Variants in PDE1C observed in about 807,000 individuals in gnomAD.
PDE1C encodes dual specificity calcium/calmodulin-dependent 3',5'-cyclic nucleotide phosphodiesterase 1C.
In PDE1C, 62 loss-of-function variants were observed where a neutral mutation model predicts 93.1. The ratio of observed to expected loss-of-function variants is 0.67; its 90% CI spans 0.54 to 0.82. PDE1C has a LOEUF of 0.82. Ranked by LOEUF, PDE1C falls within the 40% of genes least tolerant of loss-of-function variation. The pLI is 0.00. For missense variants in PDE1C, 742 were observed against 884.6 expected (o/e 0.84, Z 2.04); for synonymous variants, 325 against 310.1 (o/e 1.05, Z -0.50).
At chr7:32,250,806 A>T (rs1166416616) in intron 1 of PDE1C, among the ~76,000 whole-genome samples, 1 of 152,164 alleles carries the variant, frequency 6.6e-6, no homozygotes, top group East Asian at 1.9e-4. Flanking sequence ...AGTTAACCCA[A>T]ATAAGCTTTT....
intron 3 of PDE1C, among the ~76,000 whole-genome samples, chr7:32,159,515 T>C (rs1801779992): frequency 6.6e-6 from 1 of 152,152 alleles, no homozygotes; most frequent in African/African-American, 2.4e-5. Context: ...CATGGAAAGT[T>C]GTAAGGGGTG....
intron 16 of PDE1C, among the ~76,000 whole-genome samples, chr7:31,805,574 T>G (rs1327466617): frequency 1.3e-5 from 2 of 151,450 alleles, no homozygotes; most frequent in East Asian, 2.0e-4. Context: ...CCTATGTCAC[T>G]CCTCTCTATG....
rs971914224 is a variant in PDE1C, at chr7:32,321,110, C to T, written c.310+106712G>A. 1.4e-4 allele frequency among the ~76,000 whole-genome samples: 21 copies of T among 152,166 alleles called. 1 individual carries two copies. Among genetic ancestry groups the T allele is most frequent in the African/African-American group, 4.8e-4 (20 of 41,448 alleles). The stretch of plus-strand genomic sequence containing the variant: ...CTACTCTCATCAGCTGAAGAACAAT[C>T]GCTCAGTGACAAAAGAACAAAAATC... On this transcript the variant is annotated intron_variant, in intron 1 of 1. Coordinates refer to the PDE1C transcript ENST00000672256.
intron 1 of PDE1C, among the ~76,000 whole-genome samples, chr7:32,242,006 G>A (rs1032033031): frequency 2.0e-5 from 3 of 152,132 alleles, no homozygotes; most frequent in Non-Finnish European, 4.4e-5. Context: ...GGAAGAGTGG[G>A]CAAATTTTGA....
chr7:32,259,374 A>G (rs1442735866), intron 1 of PDE1C, among the ~76,000 whole-genome samples: 1 of 152,160 alleles, frequency 6.6e-6, no homozygotes, highest in African/African-American at 2.4e-5. Flanking sequence ...TGGCTGAATA[A>G]GTGCCCAAAA....
chr7:32,240,922 T>C, intron 1 of PDE1C, among the ~76,000 whole-genome samples: 1 of 152,124 alleles, frequency 6.6e-6, no homozygotes, highest in African/African-American at 2.4e-5. Context: ...TTCAGGATTA[T>C]GGGTGGGACA....
chr7:32,070,555 G>C, upstream of PDE1C: 1 of 1,449,522 alleles, frequency 6.9e-7, no homozygotes, highest in Non-Finnish European at 9.0e-7. Context: ...CCGACTTAGA[G>C]CGGACTCCGA....
chr7:31,649,443 A>T, the PDE1C span, among the ~76,000 whole-genome samples: 1 of 152,200 alleles, frequency 6.6e-6, no homozygotes. Context: ...CAGAAGCCCC[A>T]CAGCATGCTC....
At chr7:32,245,831 C>T (rs996770662) in intron 1 of PDE1C, among the ~76,000 whole-genome samples, 4 of 152,108 alleles carry the variant, frequency 2.6e-5, no homozygotes, top group African/African-American at 9.7e-5. Context: ...AGCAAGCGCT[C>T]TGGGGTCTCT....
At chr7:31,809,519 G>A (rs1282700513) in intron 15 of PDE1C, among the ~76,000 whole-genome samples, 1 of 151,938 alleles carries the variant, frequency 6.6e-6, no homozygotes, top group Non-Finnish European at 1.5e-5. Context: ...AAATTAGAAG[G>A]CATATCACTC....
intron 17 of PDE1C, among the ~76,000 whole-genome samples, chr7:31,774,131 T>G (rs1236345338): frequency 7.3e-6 from 1 of 136,506 alleles, no homozygotes; most frequent in East Asian, 2.1e-4. Flanking sequence ...TATTATTTCA[T>G]GTACAACCAA....
intron 1 of PDE1C, among the ~76,000 whole-genome samples, chr7:32,246,249 G>A (rs374053364): frequency 3.9e-5 from 6 of 152,086 alleles, no homozygotes; most frequent in South Asian, 2.1e-4. Context: ...GATTACAGGC[G>A]TGAGCCACCA....
At chr7:31,693,864 A>G in the PDE1C span, among the ~76,000 whole-genome samples, 1 of 152,196 alleles carries the variant, frequency 6.6e-6, no homozygotes, top group Non-Finnish European at 1.5e-5. Flanking sequence ...AGGAGCTAAA[A>G]TATCCAATTA....
At chr7:31,998,881 C>G (rs1416628404) in intron 2 of PDE1C, among the ~76,000 whole-genome samples, 1 of 145,604 alleles carries the variant, frequency 6.9e-6, no homozygotes, top group Non-Finnish European at 1.5e-5. Context: ...ATTACAGCTA[C>G]TCTCTATGCA....
chr7:31,729,400 G>A, the PDE1C span, among the ~76,000 whole-genome samples: 3 of 152,210 alleles, frequency 2.0e-5, no homozygotes, highest in African/African-American at 7.2e-5. Context: ...CAAGCCTGAA[G>A]AGGGGGCACT....
At chr7:31,759,111 T>A (rs926272646) in intron 17 of PDE1C, among the ~76,000 whole-genome samples, 3 of 152,228 alleles carry the variant, frequency 2.0e-5, no homozygotes, top group Non-Finnish European at 4.4e-5. Flanking sequence ...ATGGCTGCTG[T>A]CACCCTCACT....
At position 31,765,354 on chromosome 7, in the gene PDE1C, T is replaced by A. The variant is rs568590646; in HGVS notation, c.1960+10310A>T. Among the ~76,000 whole-genome samples, 101 of 152,334 alleles carry A rather than the reference T, an allele frequency of 6.6e-4. 1 individual carries two copies. Among genetic ancestry groups the A allele is most frequent in the African/African-American group, 2.4e-3 (99 of 41,572 alleles). ...TATAATGTGGTTATAAATTTTCTCA[T>A]CATTAATGTGTTTCTTCGTTTTCAT... is the stretch of plus-strand genomic sequence containing the variant. On this transcript the variant is annotated intron_variant, in intron 17 of 17. Coordinates refer to ENST00000396191, the MANE Select transcript of PDE1C (RefSeq NM_001191057.4).
At chr7:31,947,004 C>T (rs778138339) in intron 2 of PDE1C, among the ~76,000 whole-genome samples, 21 of 152,166 alleles carry the variant, frequency 1.4e-4, no homozygotes, top group African/African-American at 3.1e-4. Context: ...ATAATTGTTG[C>T]GTAGTTACAG....
chr7:32,157,380 C>T lies in PDE1C; in HGVS notation c.308+12405G>A, dbSNP rs144234563. ...GATAATTGTTTGAGGTGATGGACAT[C>T]CCCGTTACCCTGATTTGATCATTGT... On this transcript the variant is annotated intron_variant, in intron 3 of 18. Transcript: ENST00000396193. 1.2e-4 allele frequency among the ~76,000 whole-genome samples: 18 copies of T among 152,254 alleles called. No homozygotes were observed. In the East Asian group the frequency reaches 2.5e-3, roughly 21 times the overall value.
Sources: allele counts gnomAD v4.1 joint callset (sites outside exome capture counted in the v4.1 genomes callset), GRCh38; gene constraint gnomAD v4.1.1; transcripts MANE v1.5; gene names NCBI Gene and HGNC (gene_info 2026-07-23, HGNC 2026-07-21).